NTRK3: variants seen among roughly 807,000 people sequenced by gnomAD.
The protein encoded by NTRK3 is NT-3 growth factor receptor.
In NTRK3, 24 loss-of-function variants were observed where a neutral mutation model predicts 91.7. The observed-to-expected ratio is 0.26, with a 90% CI of 0.19 to 0.37. The LOEUF is 0.37. NTRK3 is among the 10% of genes least tolerant of loss of function. The pLI is 1.00. For missense variants in NTRK3, 880 were observed against 1,068.9 expected (o/e 0.82, Z 2.46); for synonymous variants, 483 against 404.0 (o/e 1.20, Z -2.34).
rs1479888494 is a variant in NTRK3, at chr15:87,913,018, T to C, written c.2133+16173A>G. Among the ~76,000 whole-genome samples the C allele has an allele frequency of 3.5e-5, 5 of 142,576 alleles. No homozygotes were observed. The East Asian group carries it at 1.1e-3, about 31-fold the overall frequency. 93.5% of individuals were successfully genotyped at this position (142,576 alleles called of 152,430 possible). On this transcript the variant is annotated intron_variant, in intron 17 of 18. Coordinates refer to ENST00000394480, the Ensembl canonical transcript of NTRK3. ...ACATTGATAAAAGTTGGCTCAGAGA[T>C]GATGGCATAGAGCTGGCAGGGAAAG...
At chr15:87,944,682 T>C (rs2070260682) in intron 14 of NTRK3, among the ~76,000 whole-genome samples, 2 of 152,186 alleles carry the variant, frequency 1.3e-5, no homozygotes, top group Admixed American at 1.3e-4. Flanking sequence ...ACTACTCAAC[T>C]TTCCCTCACT....
chr15:87,953,155 T>C (rs1213967953), intron 14 of NTRK3, among the ~76,000 whole-genome samples: 1 of 152,136 alleles, frequency 6.6e-6, no homozygotes, highest in African/African-American at 2.4e-5. Flanking sequence ...GCCTGTCTCC[T>C]GAACCTCTCC....
intron 5 of NTRK3, among the ~76,000 whole-genome samples, chr15:88,150,940 G>T (rs911740683): frequency 1.5e-4 from 23 of 152,094 alleles, no homozygotes; most frequent in Non-Finnish European, 5.9e-5. Flanking sequence ...TCTAGCTGGG[G>T]CCTCACCTAT....
At chr15:88,197,092 G>GAA (rs2047888285) in intron 3 of NTRK3, among the ~76,000 whole-genome samples, 1 of 15,568 alleles carries the variant, frequency 6.4e-5, no homozygotes, top group Non-Finnish European at 1.9e-4. Context: ...GGTTGAGCAG[G>GAA]ACAAAAAAAA....
At chr15:88,053,838 T>C (rs1364293347) in intron 13 of NTRK3, among the ~76,000 whole-genome samples, 2 of 152,244 alleles carry the variant, frequency 1.3e-5, no homozygotes, top group Non-Finnish European at 2.9e-5. Flanking sequence ...AATGAAAGGC[T>C]ATACTTAATG....
intron 3 of NTRK3, among the ~76,000 whole-genome samples, chr15:88,254,689 A>C (rs1253097907): frequency 5.3e-5 from 8 of 152,162 alleles, no homozygotes; most frequent in Non-Finnish European, 1.5e-5. Context: ...CGGCCCCCTT[A>C]AGTCCGTCGA....
chr15:88,077,386 G>A (rs980255240), intron 13 of NTRK3, among the ~76,000 whole-genome samples: 1 of 151,974 alleles, frequency 6.6e-6, no homozygotes, highest in African/African-American at 2.4e-5. Context: ...AAACCCTTAC[G>A]TAGCCAACAT....
chr15:88,225,382 C>T (rs530283449), intron 3 of NTRK3, among the ~76,000 whole-genome samples: 1 of 152,218 alleles, frequency 6.6e-6, no homozygotes, highest in Non-Finnish European at 1.5e-5. Context: ...AAGAGACCAG[C>T]CAGTCAGAGC....
At chr15:88,076,362 A>C (rs553282811) in intron 13 of NTRK3, among the ~76,000 whole-genome samples, 1 of 152,284 alleles carries the variant, frequency 6.6e-6, no homozygotes, top group Non-Finnish European at 1.5e-5. Context: ...TATAGGAGCC[A>C]CAATTCAAGA....
intron 10 of NTRK3, among the ~76,000 whole-genome samples, chr15:88,131,756 C>T (rs1008475167): frequency 1.3e-5 from 2 of 152,258 alleles, no homozygotes; most frequent in African/African-American, 4.8e-5. Flanking sequence ...AGGCCTTTGC[C>T]AGGGCCTGGA....
exon 19 of NTRK3, chr15:87,864,292 TG>T (rs2064604783): frequency 1.3e-5 from 3 of 232,164 alleles, no homozygotes; most frequent in Admixed American, 1.1e-4. Flanking sequence ...CTGATAGAAT[TG>T]GAGGAGCCTT....
intron 3 of NTRK3, among the ~76,000 whole-genome samples, chr15:88,192,689 C>T (rs117586857): frequency 0.011 from 1,674 of 152,298 alleles, 14 homozygotes; most frequent in Non-Finnish European, 0.019. Flanking sequence ...TGAACACACT[C>T]CCCTTGTTTT....
rs138767957 is a variant in NTRK3 at position 88,233,977 on chromosome 15, C to T, written c.248+21929G>A. Among the ~76,000 whole-genome samples the T allele has an allele frequency of 3.9e-5, 6 of 152,274 alleles. No individual in the cohort carries two copies. The highest frequency in any genetic ancestry group is 4.8e-5 in the African/African-American group (2 of 41,556). ...TATTTAAACATGTTAATTAAATCTC[C>T]GAATAAACAAATATATTTTAGCAAG... On this transcript the variant is annotated intron_variant, in intron 3 of 18. Transcript: ENST00000394480. The surrounding 1 kb of genome is among the most constrained non-coding windows in gnomAD (Gnocchi z 4.2).
chr15:87,941,042 A>G (rs1243050256), intron 14 of NTRK3, among the ~76,000 whole-genome samples: 2 of 152,178 alleles, frequency 1.3e-5, no homozygotes, highest in Non-Finnish European at 2.9e-5. Context: ...GGATTCTGGT[A>G]TTCATTAGCC....
intron 14 of NTRK3, among the ~76,000 whole-genome samples, chr15:87,971,960 A>G (rs911139666): frequency 2.0e-5 from 3 of 152,206 alleles, no homozygotes; most frequent in African/African-American, 2.4e-5. Flanking sequence ...CGAGGTCCCA[A>G]ACAGACTGAA....
chr15:87,973,051 G>A (rs1402879383), intron 14 of NTRK3, among the ~76,000 whole-genome samples: 5 of 151,950 alleles, frequency 3.3e-5, no homozygotes, highest in South Asian at 4.2e-4. Flanking sequence ...GTCATTCCTC[G>A]CCATCCTGGC....
At chr15:87,862,262 A>C (rs1415320445) in exon 19 of NTRK3, 4 of 223,930 alleles carry the variant, frequency 1.8e-5, no homozygotes, top group Middle Eastern at 1.3e-3. Flanking sequence ...CCCACTCCCA[A>C]GTTAGAAATC....
intron 3 of NTRK3, among the ~76,000 whole-genome samples, chr15:88,242,597 C>T (rs1473235885): frequency 6.6e-6 from 1 of 152,200 alleles, no homozygotes; most frequent in East Asian, 1.9e-4. Context: ...GTATCACGGT[C>T]TTTTATTTTG....
At chr15:88,201,688 C>T (rs1397202664) in intron 3 of NTRK3, among the ~76,000 whole-genome samples, 1 of 152,092 alleles carries the variant, frequency 6.6e-6, no homozygotes, top group Admixed American at 6.5e-5. Flanking sequence ...GTTCCCTGTA[C>T]TTAAAACTGT....
Sources: gnomAD v4.1 joint callset for allele counts (sites outside exome capture counted in the v4.1 genomes callset) on GRCh38, gnomAD v4.1.1 for gene constraint, Gnocchi (gnomAD v3.1) non-coding constraint, MANE v1.5 for transcripts, NCBI Gene and HGNC (gene_info 2026-07-23, HGNC 2026-07-21) for gene names.